The following COL5A2 variants were observed in gnomAD, a reference collection of about 807,000 sequenced individuals.
The protein encoded by COL5A2 is collagen type V alpha 2 chain.
COL5A2 carries 23 observed loss-of-function variants against 208.2 expected under a neutral mutation model. The observed-to-expected ratio is 0.11, with a 90% confidence interval of 0.08 to 0.16. The LOEUF is 0.16. Among genes scored for constraint, COL5A2 ranks in the 10% least tolerant of loss-of-function variants. The pLI, the probability that COL5A2 is intolerant of heterozygous loss-of-function variation, is 1.00. For missense variants in COL5A2, 1,590 were observed against 1,956.4 expected (o/e 0.81, Z 3.53); for synonymous variants, 625 against 628.5 (o/e 0.99, Z 0.08).
At chr2:189,133,712 T>C (rs1333992707) in intron 1 of COL5A2, among the ~76,000 whole-genome samples, 1 of 151,992 alleles carries the variant, frequency 6.6e-6, no homozygotes, top group African/African-American at 2.4e-5. Context: ...TTGAGAAGGG[T>C]CCATCCTTAC....
the COL5A2 span, among the ~76,000 whole-genome samples, chr2:189,436,105 C>A: frequency 6.6e-6 from 1 of 152,138 alleles, no homozygotes; most frequent in Non-Finnish European, 1.5e-5. Context: ...CATGTTCTCA[C>A]TCATAGGTGG....
intron 5 of COL5A2, 67 bp from the exon 6 acceptor site, chr2:189,097,397 A>G: frequency 6.5e-7 from 1 of 1,544,916 alleles, no homozygotes; most frequent in Non-Finnish European, 8.9e-7. Flanking sequence ...TTAAAAGTCT[A>G]CTTGATAAAA....
chr2:189,133,330 A>C (rs1687761941), intron 1 of COL5A2, among the ~76,000 whole-genome samples: 1 of 151,796 alleles, frequency 6.6e-6, no homozygotes, highest in South Asian at 2.1e-4. Flanking sequence ...CATGTTGGCC[A>C]GGATGATCTC....
chr2:189,211,191 C>T (rs1223594836), intron 1 of COL5A2, among the ~76,000 whole-genome samples: 1 of 152,146 alleles, frequency 6.6e-6, no homozygotes. Flanking sequence ...ATATAGAGAT[C>T]ATCTAAAATG....
chr2:189,068,294 T>A, intron 19 of COL5A2, 24 bp from the exon 20 acceptor site: 1 of 1,589,398 alleles, frequency 6.3e-7, no homozygotes, highest in Non-Finnish European at 8.6e-7. Context: ...TAAAAGTATG[T>A]AATGAAATAT....
chr2:189,184,410 A>G (rs1470539723), upstream of COL5A2, among the ~76,000 whole-genome samples: 3 of 152,202 alleles, frequency 2.0e-5, no homozygotes, highest in Admixed American at 1.3e-4. Flanking sequence ...TAAAACGCTA[A>G]TATCTTATAT....
At chr2:189,424,070 C>T in the COL5A2 span, among the ~76,000 whole-genome samples, 1 of 152,226 alleles carries the variant, frequency 6.6e-6, no homozygotes, top group Admixed American at 6.5e-5. Context: ...AAATGTAATA[C>T]ACCACATTAA....
chr2:189,241,702 AT>A, the COL5A2 span, among the ~76,000 whole-genome samples: 1 of 152,130 alleles, frequency 6.6e-6, no homozygotes, highest in East Asian at 1.9e-4. Flanking sequence ...TAATAAAAAT[AT>A]TTTTCCCAAT....
At position 189,043,148 on chromosome 2, in the gene COL5A2, T is replaced by C. The variant is rs929722223; in HGVS notation, c.3471+3A>G. 2.1e-5 allele frequency: 33 copies of C among 1,609,312 alleles called. No individual in the cohort carries two copies. The highest frequency in any genetic ancestry group is 1.7e-4 in the Middle Eastern group (1 of 6,050). The stretch of plus-strand genomic sequence containing the variant: ...CAGAATAATACTTAAAGGAATAACT[T>C]ACAGGAGGGCCAGGAAGACCCTGAA... On this transcript the variant is annotated splice_donor_region_variant and intron_variant, in intron 48 of 53. Transcript: ENST00000374866.
chr2:189,311,404 CAGGCGGCGGT>C, the COL5A2 span: 1 of 1,087,986 alleles, frequency 9.2e-7, no homozygotes, highest in African/African-American at 1.5e-5. Context: ...CATCTTCCAG[CAGGCGGCGGT>C]AGGTGGTGAT....
chr2:189,337,162 G>T, the COL5A2 span, among the ~76,000 whole-genome samples: 8 of 149,636 alleles, frequency 5.3e-5, no homozygotes, highest in Middle Eastern at 3.5e-3. Context: ...ATTATGAAGT[G>T]TTTTTTGACA....
At chr2:189,239,820 A>G in the COL5A2 span, among the ~76,000 whole-genome samples, 1 of 152,092 alleles carries the variant, frequency 6.6e-6, no homozygotes, top group Non-Finnish European at 1.5e-5. Context: ...GGGGGCCACA[A>G]GATAAGGAAT....
chr2:189,125,151 G>C (rs981301343), intron 1 of COL5A2, among the ~76,000 whole-genome samples: 1 of 152,094 alleles, frequency 6.6e-6, no homozygotes, highest in Non-Finnish European at 1.5e-5. Context: ...TATCAAATGA[G>C]ATGACAAGAT....
chr2:189,225,262 A>G (rs1689399112), exon 1 of COL5A2, among the ~76,000 whole-genome samples: 1 of 152,176 alleles, frequency 6.6e-6, no homozygotes, highest in African/African-American at 2.4e-5. Context: ...TAAGGCTGCT[A>G]TTGGGTATAG....
chr2:189,169,363 G>T (rs1266749749), intron 1 of COL5A2, among the ~76,000 whole-genome samples: 1 of 152,136 alleles, frequency 6.6e-6, no homozygotes, highest in East Asian at 1.9e-4. Context: ...GGGCAGTGAT[G>T]CTTCAGATCA....
chr2:189,325,368 T>C, the COL5A2 span, among the ~76,000 whole-genome samples: 1 of 151,316 alleles, frequency 6.6e-6, no homozygotes, highest in East Asian at 1.9e-4. Context: ...ACTGCTTGGG[T>C]CACTTCATCC....
chr2:189,339,202 T>A, the COL5A2 span, among the ~76,000 whole-genome samples: 1 of 152,040 alleles, frequency 6.6e-6, no homozygotes, highest in Non-Finnish European at 1.5e-5. Context: ...ATACAAAAAA[T>A]TAGCTGGGTG....
chr2:189,168,524 T>C (rs1299532224), intron 1 of COL5A2, among the ~76,000 whole-genome samples: 1 of 151,666 alleles, frequency 6.6e-6, no homozygotes, highest in Admixed American at 6.6e-5. Flanking sequence ...TTATTTAATA[T>C]AAAAATCTGA....
At chr2:189,283,716 A>G in the COL5A2 span, among the ~76,000 whole-genome samples, 1 of 152,166 alleles carries the variant, frequency 6.6e-6, no homozygotes, top group Non-Finnish European at 1.5e-5. Context: ...ATTGTGACAA[A>G]TGTGCCATGT....
Sources: gnomAD v4.1 joint callset for allele counts (sites outside exome capture counted in the v4.1 genomes callset) on GRCh38, gnomAD v4.1.1 for gene constraint, MANE v1.5 for transcripts, NCBI Gene and HGNC (gene_info 2026-07-23, HGNC 2026-07-21) for gene names.